The following SCN9A variants were observed in gnomAD, a reference collection of about 807,000 sequenced individuals.
SCN9A encodes sodium channel protein type 9 subunit alpha.
Under a neutral mutation model 187.0 loss-of-function variants are expected in SCN9A, and 131 were observed. The ratio of observed to expected loss-of-function variants is 0.70; its 90% confidence interval spans 0.61 to 0.81. The LOEUF is 0.81. Ranked by LOEUF, SCN9A falls within the 30% of genes least tolerant of loss-of-function variation. The pLI is 0.00. For missense variants in SCN9A, 2,252 were observed against 2,396.6 expected (o/e 0.94, Z 1.26); for synonymous variants, 809 against 808.6 (o/e 1.00, Z -0.01).
intron 1 of SCN9A, among the ~76,000 whole-genome samples, chr2:166,345,534 G>C (rs1699880229): frequency 1.0e-5 from 1 of 97,318 alleles, no homozygotes; most frequent in Non-Finnish European, 2.0e-5. Context: ...ACAAAAAAAA[G>C]TAGGGAAAAG....
intron 19 of SCN9A, among the ~76,000 whole-genome samples, chr2:166,239,552 C>A (rs1695474452): frequency 6.6e-6 from 1 of 151,978 alleles, no homozygotes; most frequent in Non-Finnish European, 1.5e-5. Context: ...TACTAAGATG[C>A]AAAAAGAAGG....
chr2:166,313,903 A>G (rs1044603576), intron 1 of SCN9A, among the ~76,000 whole-genome samples: 1 of 152,156 alleles, frequency 6.6e-6, no homozygotes, highest in Non-Finnish European at 1.5e-5. Flanking sequence ...AGGGGTGGGA[A>G]TGGGTTACTA....
intron 1 of SCN9A, among the ~76,000 whole-genome samples, chr2:166,340,295 T>C (rs900920551): frequency 6.6e-6 from 1 of 152,202 alleles, no homozygotes; most frequent in Non-Finnish European, 1.5e-5. Flanking sequence ...TATCTATTAC[T>C]TGAAGGTCAA....
chr2:166,236,235 ATGAT>A (rs1173760927), intron 20 of SCN9A, among the ~76,000 whole-genome samples: 5 of 152,112 alleles, frequency 3.3e-5, no homozygotes, highest in African/African-American at 1.2e-4. Flanking sequence ...TGATATATGA[ATGAT>A]TAATTGAAAA....
chr2:166,241,187 A>G (rs1695551842), intron 19 of SCN9A, among the ~76,000 whole-genome samples: 1 of 152,150 alleles, frequency 6.6e-6, no homozygotes, highest in South Asian at 2.1e-4. Flanking sequence ...CAAGTTACAA[A>G]GTTCTTGAGT....
chr2:166,254,599 G>T (rs1368489388), intron 17 of SCN9A, among the ~76,000 whole-genome samples: 1 of 150,912 alleles, frequency 6.6e-6, no homozygotes, highest in East Asian at 1.9e-4. Flanking sequence ...TCAATTATTT[G>T]TATTATTTTA....
chr2:166,240,390 A>G (rs934860078), intron 19 of SCN9A, among the ~76,000 whole-genome samples: 9 of 152,338 alleles, frequency 5.9e-5, no homozygotes, highest in Middle Eastern at 6.8e-3. Flanking sequence ...TCTAAGTACA[A>G]ACACCAGCTT....
At chr2:166,368,654 G>A (rs1452915115) in intron 1 of SCN9A, among the ~76,000 whole-genome samples, 1 of 136,984 alleles carries the variant, frequency 7.3e-6, no homozygotes, top group African/African-American at 2.8e-5. Context: ...TAAAAAACCT[G>A]CACATCCTGC....
intron 1 of SCN9A, among the ~76,000 whole-genome samples, chr2:166,342,455 A>G (rs1699808620): frequency 6.6e-6 from 1 of 152,172 alleles, no homozygotes; most frequent in South Asian, 2.1e-4. Context: ...CATCCTTATA[A>G]TTAAGTGTTA....
chr2:166,217,020 T>C (rs1311428044), intron 24 of SCN9A, among the ~76,000 whole-genome samples: 3 of 151,934 alleles, frequency 2.0e-5, no homozygotes, highest in Non-Finnish European at 4.4e-5. Context: ...ATATATTGGC[T>C]AATGGAAAAG....
At chr2:166,330,251 C>G (rs1699468414) in intron 1 of SCN9A, among the ~76,000 whole-genome samples, 1 of 152,010 alleles carries the variant, frequency 6.6e-6, no homozygotes, top group African/African-American at 2.4e-5. Context: ...GCAAAGCCTC[C>G]TTTTATTAAT....
At position 166,199,031 on chromosome 2, in the gene SCN9A, C is replaced by T. The variant is rs1287010123; in HGVS notation, c.5608G>A (p.Ala1870Thr). 2 of 1,614,078 alleles carry T rather than the reference C, an allele frequency of 1.2e-6. No homozygotes were observed. Among genetic ancestry groups the T allele is most frequent in the East Asian group, 2.2e-5 (1 of 44,880 alleles). The change falls in exon 27 of 27, where the codon GCA (alanine) becomes ACA (threonine). Residue 1870 changes from alanine (A) to threonine (T), a missense_variant. Around this residue, in one of 7 missense-constraint regions of SCN9A, gnomAD observed 345 missense variants for 344.6 expected, o/e 1.00. Transcript: ENST00000642356. The stretch of plus-strand genomic sequence containing the variant: ...TCATAGGACACTTTGGAAGGATTTG[C>T]AGACATGAACCTTTCTTCCATCTGT... Reference protein sequence around the residue: ...RSQMEERFMSANPSKVSYEPI... With the variant: ...RSQMEERFMSTNPSKVSYEPI...
At chr2:166,224,980 G>C (rs1265064801) in intron 24 of SCN9A, among the ~76,000 whole-genome samples, 2 of 151,980 alleles carry the variant, frequency 1.3e-5, no homozygotes, top group Non-Finnish European at 2.9e-5. Flanking sequence ...ACATATCATG[G>C]AGTCTTAATA....
chr2:166,273,014 A>T (rs1221835793), intron 16 of SCN9A, 139 bp from the exon 17 acceptor site: 1 of 452,230 alleles, frequency 2.2e-6, no homozygotes, highest in East Asian at 3.2e-5. Context: ...TCACACACGG[A>T]TAAGACCACA....
intron 21 of SCN9A, 70 bp downstream of exon 21, chr2:166,233,270 A>C (rs1227343561): frequency 8.8e-7 from 1 of 1,131,818 alleles, no homozygotes; most frequent in African/African-American, 1.6e-5. Flanking sequence ...TAATTTCTAC[A>C]TACCCATTGT....
chr2:166,323,770 A>C (rs1404501104), intron 1 of SCN9A, among the ~76,000 whole-genome samples: 1 of 149,212 alleles, frequency 6.7e-6, no homozygotes, highest in African/African-American at 2.6e-5. Context: ...GTGCTTTTGT[A>C]ATAATTAATG....
At chr2:166,309,644 A>G (rs1190757192) in intron 2 of SCN9A, among the ~76,000 whole-genome samples, 1 of 151,604 alleles carries the variant, frequency 6.6e-6, no homozygotes, top group Admixed American at 6.6e-5. Context: ...ATGTGTAGGA[A>G]GAATCAATAT....
rs1177686707 is a variant in SCN9A, at chr2:166,352,829, A to G, written c.-51+22868T>C. Among the ~76,000 whole-genome samples, 6 of 152,280 alleles carry G rather than the reference A, an allele frequency of 3.9e-5. No individual in the cohort carries two copies. In the East Asian group the frequency reaches 1.2e-3, roughly 29 times the overall value. On this transcript the variant is annotated intron_variant, in intron 1 of 26. Transcript: ENST00000642356. ...CATTCAACTGAAAACGGGTCTCCAG[A>G]TTTCTGTGCTGCTCCATTCTGTTGC...
chr2:166,305,741 C>T (rs1698732377), intron 5 of SCN9A, 51 bp downstream of exon 5: 26 of 1,610,996 alleles, frequency 1.6e-5, no homozygotes, highest in Non-Finnish European at 2.0e-5. Context: ...GAACACTGTG[C>T]TGCCTGAGAT....
Sources: allele counts gnomAD v4.1 joint callset (sites outside exome capture counted in the v4.1 genomes callset), GRCh38; gene constraint gnomAD v4.1.1; regional missense constraint gnomAD v4.1.1; transcripts MANE v1.5; gene names NCBI Gene and HGNC (gene_info 2026-07-23, HGNC 2026-07-21).